The following TNIP3 variants were observed in gnomAD, a reference collection of about 807,000 sequenced individuals.
The protein encoded by TNIP3 is TNFAIP3-interacting protein 3.
In TNIP3, 34 loss-of-function variants were observed where a neutral mutation model predicts 54.1. That is an observed-to-expected ratio of 0.63 (90% CI 0.48 to 0.84). The LOEUF is 0.84. TNIP3 is among the 40% of genes least tolerant of loss of function. The pLI, the probability that TNIP3 is intolerant of heterozygous loss-of-function variation, is 0.00. For missense variants in TNIP3, 366 were observed against 387.6 expected, an observed-to-expected ratio of 0.94 and a Z score of 0.47; for synonymous variants, 134 against 136.8, an observed-to-expected ratio of 0.98 and a Z score of 0.14.
At chr4:121,183,014 G>A (rs1400613632) in intron 2 of TNIP3, among the ~76,000 whole-genome samples, 1 of 152,154 alleles carries the variant, frequency 6.6e-6, no homozygotes, top group East Asian at 1.9e-4. Flanking sequence ...GGAAGATACG[G>A]ACAAGTTTAG....
At chr4:121,221,737 A>C (rs1382414954) in intron 1 of TNIP3, among the ~76,000 whole-genome samples, 1 of 151,996 alleles carries the variant, frequency 6.6e-6, no homozygotes, top group Non-Finnish European at 1.5e-5. Context: ...AAAAGAAAGA[A>C]CTACCCAACA....
chr4:121,206,799 G>A (rs1349937542), intron 2 of TNIP3, among the ~76,000 whole-genome samples: 1 of 151,984 alleles, frequency 6.6e-6, no homozygotes, highest in East Asian at 1.9e-4. Flanking sequence ...GAAACTCCTG[G>A]ACTCAAGGGA....
At chr4:121,183,477 A>G (rs549568285) in intron 2 of TNIP3, among the ~76,000 whole-genome samples, 1 of 152,316 alleles carries the variant, frequency 6.6e-6, no homozygotes, top group East Asian at 1.9e-4. Context: ...CTTCCTACTC[A>G]AATCAAATTT....
intron 2 of TNIP3, among the ~76,000 whole-genome samples, chr4:121,185,521 C>A (rs765752281): frequency 6.6e-6 from 1 of 152,264 alleles, no homozygotes; most frequent in East Asian, 1.9e-4. Flanking sequence ...AGAGGAAAGG[C>A]CTTTGTCTGT....
intron 3 of TNIP3, among the ~76,000 whole-genome samples, chr4:121,173,783 C>T (rs1237188337): frequency 6.6e-6 from 1 of 152,124 alleles, no homozygotes; most frequent in Non-Finnish European, 1.5e-5. Flanking sequence ...TGTGTGTCAC[C>T]ATGCCCAGCT....
At chr4:121,180,726 C>A (rs1340226854) in intron 3 of TNIP3, among the ~76,000 whole-genome samples, 1 of 152,106 alleles carries the variant, frequency 6.6e-6, no homozygotes, top group Non-Finnish European at 1.5e-5. Context: ...ACAGGAACCC[C>A]CACACTGTTA....
intron 8 of TNIP3, 138 bp downstream of exon 8, chr4:121,142,588 G>A (rs1008020818): frequency 4.2e-5 from 31 of 746,808 alleles, no homozygotes; most frequent in Non-Finnish European, 6.4e-5. Context: ...CTGTCTATCC[G>A]TTGATGGTGT....
chr4:121,143,705 A>G (rs1214880055), intron 7 of TNIP3, among the ~76,000 whole-genome samples: 1 of 152,218 alleles, frequency 6.6e-6, no homozygotes, highest in Non-Finnish European at 1.5e-5. Context: ...CATTTGTGTC[A>G]ATGGATCAAT....
chr4:121,172,952 G>T (rs1724054957), intron 3 of TNIP3, among the ~76,000 whole-genome samples: 1 of 152,156 alleles, frequency 6.6e-6, no homozygotes, highest in Non-Finnish European at 1.5e-5. Flanking sequence ...TACTTTATTT[G>T]CTTCAATCTG....
intron 10 of TNIP3, among the ~76,000 whole-genome samples, chr4:121,134,461 T>TA (rs1294958848): frequency 6.6e-6 from 1 of 152,258 alleles, no homozygotes; most frequent in Non-Finnish European, 1.5e-5. Flanking sequence ...ATGTTCTTTG[T>TA]AAAATCACGT....
chr4:121,171,278 TA>T (rs1281910040), intron 3 of TNIP3, among the ~76,000 whole-genome samples: 1 of 152,210 alleles, frequency 6.6e-6, no homozygotes, highest in East Asian at 1.9e-4. Flanking sequence ...AAACAATTTT[TA>T]AAGATTTTAG....
intron 3 of TNIP3, among the ~76,000 whole-genome samples, chr4:121,171,723 T>TTTTTG (rs376358497): frequency 2.0e-5 from 3 of 152,036 alleles, no homozygotes; most frequent in Non-Finnish European, 2.9e-5. Context: ...ACTCCCCTAC[T>TTTTTG]TTTTGTTTTG....
intron 10 of TNIP3, among the ~76,000 whole-genome samples, chr4:121,135,631 T>G (rs1375209081): frequency 6.6e-6 from 1 of 152,138 alleles, no homozygotes; most frequent in African/African-American, 2.4e-5. Context: ...ACTCCTAGGC[T>G]CAAGCAATCT....
At chr4:121,142,911 A>T in intron 7 of TNIP3, 135 bp from the exon 8 acceptor site, 2 of 647,088 alleles carry the variant, frequency 3.1e-6, no homozygotes, top group Non-Finnish European at 2.7e-6. Flanking sequence ...TGGTTTTTGC[A>T]GACATGCATT....
intron 3 of TNIP3, among the ~76,000 whole-genome samples, chr4:121,173,259 T>A (rs1379398384): frequency 6.6e-6 from 1 of 152,198 alleles, no homozygotes; most frequent in East Asian, 1.9e-4. Flanking sequence ...TTATGGGAAT[T>A]AAGCGTTTTT....
At chr4:121,132,730 A>T in intron 10 of TNIP3, 68 bp from the exon 11 acceptor site, 1 of 1,426,328 alleles carries the variant, frequency 7.0e-7, no homozygotes, top group Non-Finnish European at 9.8e-7. Context: ...TTCTGGCTTA[A>T]GGCTGACATA....
chr4:121,152,457 T>C (rs943825202), intron 5 of TNIP3, among the ~76,000 whole-genome samples: 2 of 152,212 alleles, frequency 1.3e-5, no homozygotes, highest in African/African-American at 2.4e-5. Context: ...AGCATCCTTT[T>C]ATTTTTTGCT....
chr4:121,215,851 C>T (rs925778777), intron 2 of TNIP3, among the ~76,000 whole-genome samples: 7 of 145,010 alleles, frequency 4.8e-5, no homozygotes, highest in Admixed American at 7.0e-5. Context: ...GTAACAAACA[C>T]AATATCTTGC....
intron 10 of TNIP3, among the ~76,000 whole-genome samples, chr4:121,134,578 A>T (rs1728668366): frequency 6.6e-6 from 1 of 152,210 alleles, no homozygotes; most frequent in Admixed American, 6.5e-5. Context: ...ATGACTTGAA[A>T]ACATTCGAAA....
Sources: allele counts gnomAD v4.1 joint callset (sites outside exome capture counted in the v4.1 genomes callset), GRCh38; gene constraint gnomAD v4.1.1; transcripts MANE v1.5; gene names NCBI Gene and HGNC (gene_info 2026-07-23, HGNC 2026-07-21).